Variants in TCERG1L observed in about 807,000 individuals in gnomAD.
TCERG1L encodes transcription elongation regulator 1-like protein.
A neutral mutation model predicts 56.3 loss-of-function variants in TCERG1L; 37 were observed. The ratio of observed to expected loss-of-function variants is 0.66; its 90% CI spans 0.51 to 0.87. TCERG1L has a LOEUF of 0.87. TCERG1L is among the 40% of genes least tolerant of loss of function. The probability of loss-of-function intolerance (pLI) is 0.00; values close to 1 mark genes in which losing one functional copy is unlikely to be tolerated. For missense variants in TCERG1L, 799 were observed against 774.2 expected (o/e 1.03, Z -0.38); for synonymous variants, 324 against 326.3 (o/e 0.99, Z 0.08).
At chr10:131,208,882 C>T (rs1845581042) in intron 4 of TCERG1L, among the ~76,000 whole-genome samples, 1 of 152,010 alleles carries the variant, frequency 6.6e-6, no homozygotes, top group African/African-American at 2.4e-5. Flanking sequence ...ATGGTAAAAC[C>T]GCGTCTCTAC....
At chr10:131,291,616 C>T (rs1257736545) in intron 3 of TCERG1L, among the ~76,000 whole-genome samples, 1 of 150,866 alleles carries the variant, frequency 6.6e-6, no homozygotes, top group Non-Finnish European at 1.5e-5. Flanking sequence ...TTAGTAGAAA[C>T]GGGGTTTCAC....
At chr10:131,198,600 C>G (rs560052668) in intron 4 of TCERG1L, among the ~76,000 whole-genome samples, 1 of 152,368 alleles carries the variant, frequency 6.6e-6, no homozygotes, top group South Asian at 2.1e-4. Context: ...TGGCTGCCCC[C>G]TCCCATGCAG....
intron 4 of TCERG1L, among the ~76,000 whole-genome samples, chr10:131,185,929 C>T (rs528709182): frequency 9.2e-5 from 14 of 152,214 alleles, no homozygotes; most frequent in Admixed American, 2.6e-4. Context: ...CAACACTATT[C>T]ATAATCACCA....
chr10:131,147,306 A>T (rs1845806854), intron 6 of TCERG1L, among the ~76,000 whole-genome samples: 1 of 152,194 alleles, frequency 6.6e-6, no homozygotes. Context: ...TTATCAGAAA[A>T]GATTAAAAAG....
chr10:131,134,380 G>C lies in TCERG1L; in HGVS notation c.1258C>G (p.Arg420Gly). 1 of 1,586,762 alleles carries C rather than the reference G, an allele frequency of 6.3e-7. No individual in the cohort carries two copies. The highest frequency in any genetic ancestry group is 8.6e-7 in the Non-Finnish European group (1 of 1,165,766). Residue 420 changes from arginine (R) to glycine (G), a missense_variant and splice_region_variant, in exon 8 of 12, where the codon CGG becomes GGG. Physicochemically the swap from Arg to Gly is moderately radical, Grantham distance 125. Coordinates refer to ENST00000368642, the MANE Select transcript of TCERG1L (RefSeq NM_174937.4). The part of the protein sequence containing the change: ...EDQDVKTKRN[R>G]TEGCGSPKPE... ...CTGGGGAAGAGCACGGCCACCTACC[G>C]GTTCCTCTTGGTTTTCACATCTTGG...
intron 8 of TCERG1L, among the ~76,000 whole-genome samples, chr10:131,121,265 G>C (rs185233506): frequency 6.6e-6 from 1 of 152,314 alleles, no homozygotes; most frequent in East Asian, 1.9e-4. Flanking sequence ...GGAGAGGCCT[G>C]TCTGCAGATG....
At chr10:131,184,767 A>G (rs143300450) in intron 4 of TCERG1L, among the ~76,000 whole-genome samples, 1 of 152,222 alleles carries the variant, frequency 6.6e-6, no homozygotes, top group Non-Finnish European at 1.5e-5. Flanking sequence ...ACAAGTGTCC[A>G]TCAGCCTCTC....
intron 3 of TCERG1L, among the ~76,000 whole-genome samples, chr10:131,264,849 C>T (rs1044718813): frequency 6.6e-6 from 1 of 152,194 alleles, no homozygotes; most frequent in African/African-American, 2.4e-5. Context: ...CTTCAGGGCC[C>T]CTAAAACTGC....
At chr10:131,105,781 C>T (rs1469068053) in intron 9 of TCERG1L, among the ~76,000 whole-genome samples, 10 of 152,068 alleles carry the variant, frequency 6.6e-5, no homozygotes, top group Non-Finnish European at 8.8e-5. Context: ...TATATTGCTA[C>T]GGACTCATGG....
intron 8 of TCERG1L, among the ~76,000 whole-genome samples, chr10:131,132,385 T>C (rs1274150632): frequency 6.6e-6 from 1 of 152,236 alleles, no homozygotes. Flanking sequence ...TGGTTTTCAG[T>C]GACGGAAGTC....
At chr10:131,208,015 C>T (rs774084010) in intron 4 of TCERG1L, among the ~76,000 whole-genome samples, 5 of 152,128 alleles carry the variant, frequency 3.3e-5, no homozygotes, top group African/African-American at 4.8e-5. Context: ...CCAACCCACC[C>T]GTGCCACCAA....
Position 131,308,320 on chromosome 10 carries a change from C to T in TCERG1L, c.561G>A (p.Gly187=). ...TTGCCAGCAAACGAGGCTTTTCATG[C>T]CCATGGAAAAACCTTGACTCCTCAG... ...IHPEESRFFH[G]HEKPRLLANQ... The change falls in exon 3 of 12, where the codon GGG becomes GGA. Residue 187 remains glycine, a synonymous_variant. Coordinates refer to ENST00000368642, the MANE Select transcript of TCERG1L (RefSeq NM_174937.4). 1 of 1,613,866 alleles carries T rather than the reference C, an allele frequency of 6.2e-7. No individual in the cohort carries two copies. Among genetic ancestry groups the T allele is most frequent in the Non-Finnish European group, 8.5e-7 (1 of 1,179,850 alleles).
intron 4 of TCERG1L, among the ~76,000 whole-genome samples, chr10:131,175,126 G>A (rs938391489): frequency 6.6e-6 from 1 of 152,070 alleles, no homozygotes; most frequent in Non-Finnish European, 1.5e-5. Flanking sequence ...ATTTTCACCA[G>A]CGTGATCCAG....
chr10:131,193,576 T>A (rs1414362216), intron 4 of TCERG1L, among the ~76,000 whole-genome samples: 1 of 152,246 alleles, frequency 6.6e-6, no homozygotes, highest in Non-Finnish European at 1.5e-5. Context: ...TAGCCAATGT[T>A]CCCAGCACCA....
intron 9 of TCERG1L, among the ~76,000 whole-genome samples, chr10:131,106,029 C>T (rs958719246): frequency 1.1e-4 from 16 of 152,212 alleles, no homozygotes; most frequent in African/African-American, 3.9e-4. Context: ...CTCCAAGAAG[C>T]CCTGGCTCCT....
chr10:131,131,848 C>A (rs749591187), intron 8 of TCERG1L, among the ~76,000 whole-genome samples: 8 of 152,186 alleles, frequency 5.3e-5, no homozygotes, highest in Non-Finnish European at 1.0e-4. Context: ...ATTACGCTAT[C>A]CACACAAAAA....
At chr10:131,253,463 G>A (rs1801554984) in intron 4 of TCERG1L, among the ~76,000 whole-genome samples, 2 of 152,024 alleles carry the variant, frequency 1.3e-5, no homozygotes, top group Admixed American at 6.6e-5. Flanking sequence ...TGGGAAATTC[G>A]AATCCCCAAA....
chr10:131,157,073 G>A (rs1243602514), intron 6 of TCERG1L, among the ~76,000 whole-genome samples: 1 of 152,134 alleles, frequency 6.6e-6, no homozygotes, highest in Non-Finnish European at 1.5e-5. Flanking sequence ...AACATCAGAG[G>A]AATGCACCGT....
At chr10:131,166,934 T>G in intron 4 of TCERG1L, 49 bp from the exon 5 acceptor site, 1 of 1,547,840 alleles carries the variant, frequency 6.5e-7, no homozygotes, top group Non-Finnish European at 8.8e-7. Flanking sequence ...TCACAGTAGT[T>G]TGGAAAACCT....
Sources: allele counts gnomAD v4.1 joint callset (sites outside exome capture counted in the v4.1 genomes callset), GRCh38; gene constraint gnomAD v4.1.1; transcripts MANE v1.5; gene names NCBI Gene and HGNC (gene_info 2026-07-23, HGNC 2026-07-21).